The following CLYBL variants were observed in gnomAD, a reference collection of about 807,000 sequenced individuals.
CLYBL encodes the protein citramalyl-CoA lyase, mitochondrial.
A neutral mutation model predicts 38.9 loss-of-function variants in CLYBL; 31 were observed. The observed-to-expected ratio is 0.80, with a 90% CI of 0.60 to 1.08. CLYBL has a LOEUF of 1.08. Among genes scored for constraint, CLYBL ranks in the 50% least tolerant of loss-of-function variants. CLYBL has a pLI of 0.00. For missense variants in CLYBL, 434 were observed against 411.6 expected (o/e 1.05, Z -0.47); for synonymous variants, 171 against 158.6 (o/e 1.08, Z -0.59).
chr13:99,807,475 T>C (rs1174513905), intron 2 of CLYBL, among the ~76,000 whole-genome samples: 1 of 152,130 alleles, frequency 6.6e-6, no homozygotes, highest in Non-Finnish European at 1.5e-5. Context: ...CAAAATGCGG[T>C]GTCTTTGTTT....
At chr13:99,655,560 A>T (rs1047968092) in intron 1 of CLYBL, among the ~76,000 whole-genome samples, 1 of 152,106 alleles carries the variant, frequency 6.6e-6, no homozygotes, top group Non-Finnish European at 1.5e-5. Context: ...GGGCGCTACT[A>T]GGGGGTGTGC....
intron 9 of CLYBL, among the ~76,000 whole-genome samples, chr13:99,905,500 C>G (rs1054554885): frequency 6.6e-6 from 1 of 152,154 alleles, no homozygotes; most frequent in Non-Finnish European, 1.5e-5. Flanking sequence ...GAAGTGAAAG[C>G]TGGGGGCAGT....
At chr13:99,810,821 CT>C (rs768570858) in intron 2 of CLYBL, among the ~76,000 whole-genome samples, 3 of 152,130 alleles carry the variant, frequency 2.0e-5, no homozygotes, top group Non-Finnish European at 4.4e-5. Flanking sequence ...CCTTTCCTTC[CT>C]TCCCTCCTTC....
At chr13:99,670,738 C>T (rs2139361811) in intron 1 of CLYBL, among the ~76,000 whole-genome samples, 1 of 152,300 alleles carries the variant, frequency 6.6e-6, no homozygotes, top group Admixed American at 6.5e-5. Context: ...TTCCGTGGTC[C>T]TTTTCTACCA....
At chr13:99,837,452 GA>G (rs1303185811) in intron 2 of CLYBL, among the ~76,000 whole-genome samples, 1 of 151,886 alleles carries the variant, frequency 6.6e-6, no homozygotes, top group Non-Finnish European at 1.5e-5. Flanking sequence ...ACCCTGTCTC[GA>G]AAATAAAATA....
At chr13:99,817,672 A>G (rs1276249717) in intron 2 of CLYBL, among the ~76,000 whole-genome samples, 14 of 139,130 alleles carry the variant, frequency 1.0e-4, no homozygotes, top group Admixed American at 2.3e-4. Flanking sequence ...AAAAAAAAAA[A>G]AGAAAAGAAA....
chr13:99,692,769 A>G (rs528301002), intron 1 of CLYBL, among the ~76,000 whole-genome samples: 1 of 152,108 alleles, frequency 6.6e-6, no homozygotes, highest in Non-Finnish European at 1.5e-5. Context: ...CCACTAATCT[A>G]CTTTCTAAAT....
At chr13:99,614,318 T>G (rs1291760336) in intron 1 of CLYBL, among the ~76,000 whole-genome samples, 1 of 151,882 alleles carries the variant, frequency 6.6e-6, no homozygotes, top group Non-Finnish European at 1.5e-5. Context: ...GGGCCACTGC[T>G]TAGAGTGGGG....
intron 1 of CLYBL, among the ~76,000 whole-genome samples, chr13:99,765,255 C>G (rs1219392304): frequency 6.6e-6 from 1 of 152,120 alleles, no homozygotes; most frequent in Non-Finnish European, 1.5e-5. Context: ...TCCCCCTGGC[C>G]TGTATGGTGT....
At chr13:99,781,337 A>C (rs986777125) in intron 2 of CLYBL, among the ~76,000 whole-genome samples, 1 of 150,872 alleles carries the variant, frequency 6.6e-6, no homozygotes, top group African/African-American at 2.4e-5. Context: ...TGCCCAGCTA[A>C]TTTTTTCTAT....
At chr13:99,641,519 A>C (rs919410652) in intron 1 of CLYBL, among the ~76,000 whole-genome samples, 3 of 152,060 alleles carry the variant, frequency 2.0e-5, no homozygotes, top group African/African-American at 7.2e-5. Context: ...AGTACAGAAA[A>C]TTAGCCGGGC....
At chr13:99,763,403 T>G (rs2049201778) in intron 1 of CLYBL, among the ~76,000 whole-genome samples, 1 of 152,170 alleles carries the variant, frequency 6.6e-6, no homozygotes, top group Non-Finnish European at 1.5e-5. Context: ...TCAAATGCTT[T>G]TTTGGCATCC....
intron 1 of CLYBL, among the ~76,000 whole-genome samples, chr13:99,648,866 G>A (rs1566598792): frequency 1.3e-5 from 2 of 151,940 alleles, no homozygotes; most frequent in East Asian, 1.9e-4. Context: ...ACATCTGCAA[G>A]TTGGACTTTG....
At chr13:99,897,839 C>G (rs185573256), downstream of CLYBL, among the ~76,000 whole-genome samples, 1 of 151,962 alleles carries the variant, frequency 6.6e-6, no homozygotes, top group African/African-American at 2.4e-5. Flanking sequence ...CCCAGCTACC[C>G]GAAAGGCTGA....
intron 1 of CLYBL, among the ~76,000 whole-genome samples, chr13:99,757,591 G>C (rs1594163262): frequency 6.6e-6 from 1 of 152,166 alleles, no homozygotes; most frequent in African/African-American, 2.4e-5. Context: ...TTGTAGCTGG[G>C]ATTACAGGCA....
chr13:99,688,386 G>A (rs1243529542), intron 1 of CLYBL, among the ~76,000 whole-genome samples: 2 of 152,096 alleles, frequency 1.3e-5, no homozygotes, highest in African/African-American at 4.8e-5. Flanking sequence ...AATTAAAATA[G>A]TTGCAGGATA....
chr13:99,712,635 C>G (rs2048253351), intron 1 of CLYBL, among the ~76,000 whole-genome samples: 1 of 152,084 alleles, frequency 6.6e-6, no homozygotes, highest in Non-Finnish European at 1.5e-5. Context: ...GTGTGAGCTA[C>G]CACACCTGGC....
intron 1 of CLYBL, among the ~76,000 whole-genome samples, chr13:99,703,037 T>G (rs1258505620): frequency 6.6e-6 from 1 of 152,254 alleles, no homozygotes; most frequent in Non-Finnish European, 1.5e-5. Flanking sequence ...CCTAGACTAT[T>G]AAGCACTTTA....
At chr13:99,619,183 G>A (rs928306973) in intron 1 of CLYBL, among the ~76,000 whole-genome samples, 1 of 152,190 alleles carries the variant, frequency 6.6e-6, no homozygotes, top group African/African-American at 2.4e-5. Context: ...GTGGGGCCTT[G>A]TAGGAAGTGG....
Sources: gnomAD v4.1 joint callset for allele counts (sites outside exome capture counted in the v4.1 genomes callset) on GRCh38, gnomAD v4.1.1 for gene constraint, MANE v1.5 for transcripts, NCBI Gene and HGNC (gene_info 2026-07-23, HGNC 2026-07-21) for gene names.